Variants in CDK12 observed in about 807,000 individuals in gnomAD.
The protein encoded by CDK12 is cyclin dependent kinase 12, also known as cyclin-dependent kinase 12.
CDK12 carries 17 observed loss-of-function variants against 133.8 expected under a neutral mutation model. The observed-to-expected ratio is 0.13, with a 90% CI of 0.09 to 0.19. The LOEUF is 0.19. Among genes scored for constraint, CDK12 ranks in the 10% least tolerant of loss-of-function variants. CDK12 has a pLI of 1.00. For missense variants in CDK12, 1,508 were observed against 1,818.7 expected (o/e 0.83, Z 3.11); for synonymous variants, 694 against 683.6 (o/e 1.02, Z -0.24).
At chr17:39,518,661 G>C (rs8067884) in intron 10 of CDK12, among the ~76,000 whole-genome samples, 95,816 of 151,726 alleles carry the variant, frequency 0.63, 32,933 homozygotes, top group South Asian at 0.89. Context: ...CAGGTTCAAG[G>C]AATTCTCCTG....
At chr17:39,559,839 A>G (rs1336432618) in intron 3 of CDK12, among the ~76,000 whole-genome samples, 3 of 139,922 alleles carry the variant, frequency 2.1e-5, no homozygotes, top group Non-Finnish European at 4.6e-5. Flanking sequence ...ACCCCATCTC[A>G]TAAAAAAGAA....
intron 4 of CDK12, among the ~76,000 whole-genome samples, chr17:39,493,208 G>A (rs921735701): frequency 4.2e-5 from 6 of 141,770 alleles, no homozygotes; most frequent in Admixed American, 7.5e-5. Context: ...CCACTATGTC[G>A]TCCAGGCTGG....
chr17:39,471,867 A>G, intron 2 of CDK12, 104 bp downstream of exon 2: 2 of 1,013,782 alleles, frequency 2.0e-6, no homozygotes, highest in Non-Finnish European at 2.9e-6. Context: ...TGAACAGGAA[A>G]TGTCTTTGAT....
downstream of CDK12, chr17:39,534,729 A>T (rs2055053751): frequency 1.1e-5 from 2 of 186,660 alleles, no homozygotes; most frequent in Non-Finnish European, 1.1e-5. Flanking sequence ...AAAACGCTAG[A>T]CTAGGAACTA....
intron 6 of CDK12, among the ~76,000 whole-genome samples, chr17:39,506,873 T>C (rs990631924): frequency 1.3e-5 from 2 of 152,170 alleles, no homozygotes; most frequent in East Asian, 3.9e-4. Context: ...TTTTGTATTG[T>C]ATTTTATTTT....
intron 1 of CDK12, among the ~76,000 whole-genome samples, chr17:39,467,276 G>A (rs543251140): frequency 2.0e-5 from 3 of 151,960 alleles, no homozygotes; most frequent in Admixed American, 6.6e-5. Context: ...CATGCCCGGC[G>A]AAACAACCTA....
At chr17:39,538,455 C>G (rs2055244331), downstream of CDK12, among the ~76,000 whole-genome samples, 1 of 152,104 alleles carries the variant, frequency 6.6e-6, no homozygotes, top group African/African-American at 2.4e-5. Context: ...CCAGAAAGGC[C>G]GAGGAACATG....
intron 4 of CDK12, among the ~76,000 whole-genome samples, chr17:39,494,042 G>A (rs894754479): frequency 6.6e-5 from 10 of 151,982 alleles, no homozygotes; most frequent in Non-Finnish European, 1.5e-5. Context: ...AGCCAGGAAA[G>A]GGAATATAAA....
intron 11 of CDK12, 30 bp from the exon 12 acceptor site, chr17:39,524,644 A>C: frequency 6.3e-7 from 1 of 1,584,150 alleles, no homozygotes. Context: ...ATTCCCTTAC[A>C]TATTTCCCCT....
At chr17:39,487,607 ATTTTTT>A (rs887590343) in intron 2 of CDK12, among the ~76,000 whole-genome samples, 19 of 96,366 alleles carry the variant, frequency 2.0e-4, no homozygotes, top group Non-Finnish European at 2.4e-4. Context: ...GCATGACACA[ATTTTTT>A]TTTTTTTTTT....
chr17:39,530,351 T>C, intron 13 of CDK12: 1 of 424,680 alleles, frequency 2.4e-6, no homozygotes, highest in Non-Finnish European at 4.0e-6. Context: ...ATGGAGGAAA[T>C]CTTAGACCAA....
Position 39,511,511 on chromosome 17 carries a change from T to A in CDK12, c.2667-18T>A, listed in dbSNP as rs760384438. The A allele has an allele frequency of 2.6e-6, 4 of 1,509,870 alleles. No individual in the cohort carries two copies. The highest frequency in any genetic ancestry group is 3.7e-6 in the Non-Finnish European group (4 of 1,091,508). 93.5% of individuals were successfully genotyped at this position (1,509,870 alleles called of 1,614,324 possible). A position where few individuals can be genotyped will look rare whatever the true frequency, so the allele number is the denominator to read the frequency against. ...AAGCCACTGTAAGTTTATGTCATGG[T>A]TGTTTTTTATATTTCAGTCGCCCTT... On this transcript the variant is annotated intron_variant, in intron 7 of 13. Transcript: ENST00000447079.
intron 1 of CDK12, among the ~76,000 whole-genome samples, chr17:39,541,604 A>ATCAGCCCACC (rs56299209): frequency 4.0e-5 from 6 of 151,512 alleles, no homozygotes; most frequent in South Asian, 2.1e-4. Flanking sequence ...AGACCTCGTG[A>ATCAGCCCACC]TCAGCCTCCC....
At position 39,533,185 on chromosome 17, in the gene CDK12, T is replaced by C. The variant is rs1487010460; in HGVS notation, c.*1869T>C. 4.3e-6 allele frequency: 1 copy of C among 232,792 alleles called. No homozygotes were observed. Among genetic ancestry groups the C allele is most frequent in the Non-Finnish European group, 8.5e-6 (1 of 117,674 alleles). The allele number at this position is 232,792 out of a possible 1,614,324, so 14.4% of individuals were successfully genotyped here. ...GCTAGATATCGGTGTGTGTATTTCT[T>C]TATTATTCTCTGGTTTTTGATCTGG... On this transcript the variant is annotated 3_prime_UTR_variant, in exon 14 of 14. Coordinates refer to ENST00000447079, the MANE Select transcript of CDK12 (RefSeq NM_016507.4).
Position 39,492,772 on chromosome 17 carries a change from A to C in CDK12, c.2130A>C (p.Gly710=). ...KRPKICCPRY[G]ERRQTESDWG... ...TTAGAATTTGTTGTCCTCGTTATGG[A>C]GAAAGAAGACAAACAGAAAGCGACT... Residue 710 remains glycine (G), a synonymous_variant, in exon 4 of 14, where the codon GGA becomes GGC. Coordinates refer to ENST00000447079, the MANE Select transcript of CDK12 (RefSeq NM_016507.4). The C allele has an allele frequency of 2.5e-6, 4 of 1,609,438 alleles. No homozygotes were observed. The highest frequency in any genetic ancestry group is 3.4e-6 in the Non-Finnish European group (4 of 1,178,188).
At chr17:39,505,480 G>A (rs1244263323) in intron 6 of CDK12, among the ~76,000 whole-genome samples, 2 of 131,110 alleles carry the variant, frequency 1.5e-5, no homozygotes, top group Non-Finnish European at 3.1e-5. Flanking sequence ...AGCTGAGATC[G>A]CACCACTGCA....
chr17:39,467,881 C>T (rs2049467339), intron 1 of CDK12, among the ~76,000 whole-genome samples: 1 of 151,670 alleles, frequency 6.6e-6, no homozygotes, highest in South Asian at 2.1e-4. Flanking sequence ...CTATTGATTC[C>T]AACAATATTT....
intron 1 of CDK12, among the ~76,000 whole-genome samples, chr17:39,466,615 G>GGAAAAAAAAA (rs1567677231): frequency 9.5e-5 from 3 of 31,434 alleles, no homozygotes; most frequent in Admixed American, 5.8e-4. Context: ...AACTCTATCT[G>GGAAAAAAAAA]AAAAAAAAAA....
intron 8 of CDK12, 41 bp from the exon 9 acceptor site, chr17:39,515,690 T>G (rs1339044198): frequency 2.9e-6 from 4 of 1,387,462 alleles, no homozygotes; most frequent in East Asian, 4.6e-5. Flanking sequence ...AAATAGGCTC[T>G]AAGAATTTCT....
Sources: gnomAD v4.1 joint callset for allele counts (sites outside exome capture counted in the v4.1 genomes callset) on GRCh38, gnomAD v4.1.1 for gene constraint, MANE v1.5 for transcripts, NCBI Gene and HGNC (gene_info 2026-07-23, HGNC 2026-07-21) for gene names.